Variants in RPTOR observed in about 807,000 individuals in gnomAD.
RPTOR encodes regulatory associated protein of MTOR complex 1, also known as regulatory-associated protein of mTOR.
RPTOR carries 21 observed loss-of-function variants against 169.9 expected under a neutral mutation model. The ratio of observed to expected loss-of-function variants is 0.12; its 90% CI spans 0.09 to 0.18. The LOEUF is 0.18. Among genes scored for constraint, RPTOR ranks in the 10% least tolerant of loss-of-function variants. RPTOR has a pLI of 1.00. For synonymous variants in RPTOR, 732 were observed against 753.2 expected, an observed-to-expected ratio of 0.97 and a Z score of 0.46; for missense variants, 1,133 against 1,855.9, an observed-to-expected ratio of 0.61 and a Z score of 7.16.
chr17:80,565,634 G>A (rs1358492083), intron 1 of RPTOR, among the ~76,000 whole-genome samples: 2 of 151,734 alleles, frequency 1.3e-5, no homozygotes, highest in South Asian at 2.1e-4. Flanking sequence ...GCGGAGGGAG[G>A]CGTGCACTGC....
Position 80,859,373 on chromosome 17 carries a change from C to T in RPTOR, c.1509+1473C>T, listed in dbSNP as rs1299622639. ...AAGATTCTAGAACAAAGGGTGTGTG[C>T]TGAGAATGGAGTTGGGGGATATGTT... On this transcript the variant is annotated intron_variant, in intron 13 of 33. Coordinates refer to ENST00000306801, the MANE Select transcript of RPTOR (RefSeq NM_020761.3). Among the ~76,000 whole-genome samples the T allele has an allele frequency of 2.0e-5, 3 of 152,318 alleles. No individual in the cohort carries two copies. The East Asian group carries it at 5.8e-4, about 29-fold the overall frequency.
intron 10 of RPTOR, among the ~76,000 whole-genome samples, chr17:80,843,972 C>T (rs894626071): frequency 3.3e-5 from 5 of 152,130 alleles, no homozygotes; most frequent in South Asian, 2.1e-4. Flanking sequence ...TGGTCCTGGC[C>T]GGGCAACCCA....
At chr17:80,858,171 C>T in intron 13 of RPTOR, 1 of 480,988 alleles carries the variant, frequency 2.1e-6, no homozygotes. Flanking sequence ...CTGGCCTTCC[C>T]CTGGTGCCCT....
At position 80,823,120 on chromosome 17, in the gene RPTOR, A is replaced by T; in HGVS notation, c.1033A>T (p.Ser345Cys). The part of the protein sequence containing the change: ...KLFRQDLLVA[S>C]LFRNFLLAER... The stretch of plus-strand genomic sequence containing the variant: ...CTTCAGACAGGACTTGCTGGTGGCT[A>T]GTCTGTTTCGAAATTTTTTATTGGC... The change falls in exon 9 of 34, where the codon AGT (serine) becomes TGT (cysteine). Residue 345 changes from serine (S) to cysteine (C), a missense_variant. This residue lies in a region of RPTOR where 289 missense variants were observed against 585.8 expected (regional missense o/e 0.49). Transcript: ENST00000306801. The surrounding 1 kb of genome is among the most constrained non-coding windows in gnomAD (Gnocchi z 4.5). 6.2e-7 allele frequency: 1 copy of T among 1,613,842 alleles called. No homozygotes were observed. The highest frequency in any genetic ancestry group is 8.5e-7 in the Non-Finnish European group (1 of 1,179,848).
At chr17:80,793,467 G>A (rs953167902) in intron 7 of RPTOR, among the ~76,000 whole-genome samples, 4 of 151,986 alleles carry the variant, frequency 2.6e-5, no homozygotes, top group African/African-American at 9.7e-5. Context: ...CCTCCCTGTG[G>A]CTATTTCCAT....
intron 1 of RPTOR, among the ~76,000 whole-genome samples, chr17:80,618,099 G>A (rs2065326316): frequency 6.6e-6 from 1 of 151,922 alleles, no homozygotes; most frequent in South Asian, 2.1e-4. Flanking sequence ...TCCCACCTCA[G>A]CCTCCCGAGT....
At chr17:80,841,183 C>A (rs1451335531) in intron 10 of RPTOR, among the ~76,000 whole-genome samples, 1 of 127,202 alleles carries the variant, frequency 7.9e-6, no homozygotes, top group Non-Finnish European at 1.6e-5. Flanking sequence ...CGCACGGCAG[C>A]TCACACTCAC....
chr17:80,612,006 T>G, intron 1 of RPTOR, among the ~76,000 whole-genome samples: 1 of 152,216 alleles, frequency 6.6e-6, no homozygotes, highest in East Asian at 1.9e-4. Flanking sequence ...TGTATCCACA[T>G]TAAGTCTTTT....
intron 1 of RPTOR, among the ~76,000 whole-genome samples, chr17:80,571,572 G>A (rs1398619914): frequency 6.6e-6 from 1 of 152,070 alleles, no homozygotes; most frequent in Non-Finnish European, 1.5e-5. Context: ...CCAGACTGGA[G>A]TGCGGTGGTG....
intron 7 of RPTOR, among the ~76,000 whole-genome samples, chr17:80,814,805 A>G (rs887293891): frequency 6.6e-6 from 1 of 152,194 alleles, no homozygotes; most frequent in Non-Finnish European, 1.5e-5. Context: ...AGCCTAGGCA[A>G]CAGTGTCTCA....
intron 4 of RPTOR, among the ~76,000 whole-genome samples, chr17:80,710,130 C>G (rs1343324655): frequency 6.6e-6 from 1 of 151,918 alleles, no homozygotes; most frequent in African/African-American, 2.4e-5. Flanking sequence ...GTGTGCACCA[C>G]CACACCTGGC....
intron 6 of RPTOR, among the ~76,000 whole-genome samples, chr17:80,774,829 G>A (rs534173868): frequency 4.6e-5 from 7 of 152,338 alleles, no homozygotes; most frequent in African/African-American, 1.7e-4. Context: ...CAAGGAGGCT[G>A]CGGACACAGT....
intron 24 of RPTOR, among the ~76,000 whole-genome samples, chr17:80,930,903 G>A (rs2068889757): frequency 6.6e-6 from 1 of 152,258 alleles, no homozygotes; most frequent in Non-Finnish European, 1.5e-5. Flanking sequence ...GCCAGCGCCT[G>A]TCTGGTAAAT....
At chr17:80,881,048 T>A (rs2589121) in intron 14 of RPTOR, among the ~76,000 whole-genome samples, 50,566 of 152,134 alleles carry the variant, frequency 0.33, 10,339 homozygotes, top group African/African-American at 0.57. Context: ...TGTTTCATAA[T>A]GTTTTAATTT....
At chr17:80,583,025 C>T (rs1173503293) in intron 1 of RPTOR, among the ~76,000 whole-genome samples, 21 of 151,084 alleles carry the variant, frequency 1.4e-4, no homozygotes, top group Admixed American at 2.6e-4. Context: ...AAGCAATCCT[C>T]TCACTTCAGC....
At chr17:80,636,852 T>C (rs1216945135) in intron 2 of RPTOR, among the ~76,000 whole-genome samples, 1 of 152,210 alleles carries the variant, frequency 6.6e-6, no homozygotes, top group Non-Finnish European at 1.5e-5. Flanking sequence ...CGCTGCTTTC[T>C]GTAGGGCTGA....
At chr17:80,869,984 G>A (rs1287810091) in intron 13 of RPTOR, among the ~76,000 whole-genome samples, 2 of 152,134 alleles carry the variant, frequency 1.3e-5, no homozygotes, top group African/African-American at 4.8e-5. Flanking sequence ...TGGTGGTAGT[G>A]GTTGTTTTAA....
chr17:80,615,129 A>ATT (rs2065299710), intron 1 of RPTOR, among the ~76,000 whole-genome samples: 1 of 152,120 alleles, frequency 6.6e-6, no homozygotes, highest in South Asian at 2.1e-4. Flanking sequence ...TAGAAAGGGG[A>ATT]TTTGCCAAGG....
Position 80,650,851 on chromosome 17 carries a change from C to T in RPTOR, c.348+7041C>T, listed in dbSNP as rs118124969. Among the ~76,000 whole-genome samples the T allele has an allele frequency of 6.6e-3, 999 of 152,228 alleles. 6 individuals are homozygous for T. The highest frequency in any genetic ancestry group is 0.014 in the Middle Eastern group (4 of 294). On this transcript the variant is annotated intron_variant, in intron 3 of 33. Coordinates refer to ENST00000306801, the MANE Select transcript of RPTOR (RefSeq NM_020761.3). ...CCTTATCTCTGGTTTTATCCTCTTGCGGGGATAACTGCATTCCTGACTCTT... is the reference window on the plus strand; with the variant it reads ...CCTTATCTCTGGTTTTATCCTCTTGTGGGGATAACTGCATTCCTGACTCTT...
Sources: gnomAD v4.1 joint callset for allele counts (sites outside exome capture counted in the v4.1 genomes callset) on GRCh38, gnomAD v4.1.1 for gene constraint, gnomAD v4.1.1 regional missense constraint, Gnocchi (gnomAD v3.1) non-coding constraint, MANE v1.5 for transcripts, NCBI Gene and HGNC (gene_info 2026-07-23, HGNC 2026-07-21) for gene names.